SS18L1: variants seen among roughly 807,000 people sequenced by gnomAD.
SS18L1 encodes the protein SS18L1 subunit of BAF chromatin remodeling complex.
Under a neutral mutation model 70.3 loss-of-function variants are expected in SS18L1, and 32 were observed. The ratio of observed to expected loss-of-function variants is 0.46; its 90% CI spans 0.34 to 0.61. The LOEUF is 0.61. Among genes scored for constraint, SS18L1 ranks in the 20% least tolerant of loss-of-function variants. SS18L1 has a pLI of 0.01. For synonymous variants in SS18L1, 237 were observed against 229.7 expected, an observed-to-expected ratio of 1.03 and a Z score of -0.29; for missense variants, 430 against 542.1, an observed-to-expected ratio of 0.79 and a Z score of 2.05.
intron 10 of SS18L1, chr20:62,175,167 C>G (rs1236531570): frequency 1.1e-6 from 1 of 927,610 alleles, no homozygotes; most frequent in African/African-American, 1.8e-5. Context: ...CAGCCCCAGG[C>G]TCAGCCTAGG....
Position 62,174,463 on chromosome 20 carries a change from AAAAG to A in SS18L1, c.1037-48_1037-45del, listed in dbSNP as rs556115792. 2,706 of 1,548,834 alleles carry A rather than the reference AAAAG, an allele frequency of 1.7e-3. 19 individuals are homozygous for A. Among genetic ancestry groups the A allele is most frequent in the South Asian group, 0.012 (1,006 of 83,372 alleles). ...AAAAAAATTTTTAAGTTAAGAAAAA[AAAAG>A]AAAGAGGTGTCCGTTTTGGCCGGCC... On this transcript the variant is annotated intron_variant, in intron 9 of 10. Transcript: ENST00000331758. This position sits in a 1 kb window ranked among gnomAD's most constrained non-coding sequence, Gnocchi z 4.1.
At chr20:62,154,058 T>C (rs1344574387) in intron 1 of SS18L1, among the ~76,000 whole-genome samples, 1 of 152,192 alleles carries the variant, frequency 6.6e-6, no homozygotes, top group Non-Finnish European at 1.5e-5. Context: ...CCCAAATGCT[T>C]GAACGTGACT....
intron 8 of SS18L1, among the ~76,000 whole-genome samples, chr20:62,167,850 C>A (rs116001533): frequency 0.011 from 1,688 of 151,848 alleles, 36 homozygotes; most frequent in African/African-American, 0.039. Context: ...GGGTCTTGCC[C>A]TATCACCTAG....
At chr20:62,152,552 A>G (rs2057153313) in intron 1 of SS18L1, among the ~76,000 whole-genome samples, 1 of 152,250 alleles carries the variant, frequency 6.6e-6, no homozygotes, top group Non-Finnish European at 1.5e-5. Context: ...CTCACGTTGC[A>G]GAAAAATTCA....
In SS18L1 at chr20:62,179,413, T is replaced by C. The variant is rs890855798; in HGVS notation, c.*205T>C. 3.2e-6 allele frequency: 2 copies of C among 621,546 alleles called. No homozygotes were observed. The highest frequency in any genetic ancestry group is 5.5e-5 in the East Asian group (2 of 36,388). The allele number at this position is 621,546 out of a possible 1,614,324, so 38.5% of individuals were successfully genotyped here. Reference sequence around the variant, plus strand: ...GACAGCGCTTGGTGGTGTGATACTTTTGGTGCTGTGTATAGTATTGTATGT... The same window carrying C: ...GACAGCGCTTGGTGGTGTGATACTTCTGGTGCTGTGTATAGTATTGTATGT... On this transcript the variant is annotated 3_prime_UTR_variant, in exon 11 of 11. Coordinates refer to ENST00000331758, the MANE Select transcript of SS18L1 (RefSeq NM_198935.3).
chr20:62,147,072 C>T (rs759099388), intron 1 of SS18L1, among the ~76,000 whole-genome samples: 7 of 152,152 alleles, frequency 4.6e-5, no homozygotes, highest in Non-Finnish European at 1.0e-4. Context: ...ACAGTTTAGC[C>T]CACGAGAGTG....
At chr20:62,165,217 CG>C (rs1415408857) in intron 7 of SS18L1, among the ~76,000 whole-genome samples, 1 of 152,206 alleles carries the variant, frequency 6.6e-6, no homozygotes, top group Non-Finnish European at 1.5e-5. Flanking sequence ...ACAGTCGCCC[CG>C]AGAAGGAGGC....
Position 62,159,780 on chromosome 20 carries a change from G to T in SS18L1, c.147-97G>T. On this transcript the variant is annotated intron_variant, in intron 2 of 10. Transcript: ENST00000331758. This position sits in a 1 kb window ranked among gnomAD's most constrained non-coding sequence, Gnocchi z 4.4. ...ATGTCCTCATGGGGTTTGGCTGGAT[G>T]TCAGGCTGTCTTGTTCACACTTTAC... The T allele has an allele frequency of 8.3e-7, 1 of 1,199,752 alleles. No individual in the cohort carries two copies. The highest frequency in any genetic ancestry group is 1.4e-5 in the South Asian group (1 of 71,088). 74.3% of individuals were successfully genotyped at this position (1,199,752 alleles called of 1,614,324 possible). A position where few individuals can be genotyped will look rare whatever the true frequency, so the allele number is the denominator to read the frequency against.
At chr20:62,167,979 C>CTTTTTTTTTT (rs575045754) in intron 8 of SS18L1, among the ~76,000 whole-genome samples, 9 of 105,000 alleles carry the variant, frequency 8.6e-5, no homozygotes, top group Admixed American at 1.0e-4. Flanking sequence ...CCAGGCCTGG[C>CTTTTTTTTTT]TTTTTTTTTT....
chr20:62,154,452 C>T (rs991321933), intron 1 of SS18L1: 25 of 1,032,376 alleles, frequency 2.4e-5, no homozygotes, highest in African/African-American at 2.2e-4. Context: ...GTAGCCCTTC[C>T]GGAAACCTCC....
Position 62,158,351 on chromosome 20 carries a change from A to G in SS18L1, c.70-321A>G, listed in dbSNP as rs2057260586. Among the ~76,000 whole-genome samples the G allele has an allele frequency of 2.6e-5, 4 of 151,498 alleles. No homozygotes were observed. In the Admixed American group the frequency reaches 2.6e-4, roughly 10 times the overall value. On this transcript the variant is annotated intron_variant, in intron 1 of 10. Transcript: ENST00000331758. This position sits in a 1 kb window ranked among gnomAD's most constrained non-coding sequence, Gnocchi z 4.5. ...GGTGGCTGAGGCAATGCACGTAACG[A>G]CAGTTTCGTATACAGAACAGGCGTA...
rs1362718120 is a variant in SS18L1, at chr20:62,162,741, C to T, written c.377-11C>T. On this transcript the variant is annotated splice_polypyrimidine_tract_variant and intron_variant, in intron 4 of 10. Transcript: ENST00000331758. ...CCAGTGCCTGACACCACTCCCTGCT[C>T]CCCATGCCAGGGCCGAGCCACGTGT... 2 of 1,600,928 alleles carry T rather than the reference C, an allele frequency of 1.2e-6. No homozygotes were observed. The highest frequency in any genetic ancestry group is 1.7e-5 in the Admixed American group (1 of 59,276).
Position 62,181,766 on chromosome 20 carries a change from CT to C in SS18L1, c.*2560del, listed in dbSNP as rs1223149377. On this transcript the variant is annotated 3_prime_UTR_variant, in exon 11 of 11. Transcript: ENST00000331758. ...CAGCAGTTCCTTTTCATTATTCTAT[CT>C]TCTGTCATATGAATGTTGAGCAAAG... is the stretch of plus-strand genomic sequence containing the variant. 11 of 225,220 alleles carry C rather than the reference CT, an allele frequency of 4.9e-5. No homozygotes were observed. Among genetic ancestry groups the C allele is most frequent in the Admixed American group, 1.7e-4 (3 of 17,492 alleles). The allele number at this position is 225,220 out of a possible 1,614,324, so 14.0% of individuals were successfully genotyped here.
intron 10 of SS18L1, among the ~76,000 whole-genome samples, chr20:62,177,071 T>G (rs2057631906): frequency 6.6e-6 from 1 of 152,192 alleles, no homozygotes; most frequent in Non-Finnish European, 1.5e-5. Context: ...CTCCAGACAT[T>G]GTCAGATGCC....
chr20:62,173,903 A>T (rs1198254169), intron 9 of SS18L1, among the ~76,000 whole-genome samples: 2 of 151,458 alleles, frequency 1.3e-5, no homozygotes, highest in Non-Finnish European at 2.9e-5. Context: ...GGTCCCAGCT[A>T]CTTGGGAGGC....
intron 1 of SS18L1, among the ~76,000 whole-genome samples, chr20:62,146,604 C>CTTTTTTTTTTTTTTTTTTTTTTTTTT (rs1339898731): frequency 8.8e-5 from 3 of 34,156 alleles, no homozygotes; most frequent in African/African-American, 3.6e-4. Flanking sequence ...CTGCTTTGAT[C>CTTTTTTTTTTTTTTTTTTTTTTTTTT]ATTTTTTTTT....
intron 10 of SS18L1, chr20:62,175,037 CTG>C: frequency 4.0e-6 from 3 of 754,774 alleles, no homozygotes; most frequent in Non-Finnish European, 4.8e-6. Flanking sequence ...CAGGGCCAGA[CTG>C]TGCTGAGGAC....
chr20:62,160,304 G>GGGAGA (rs1555823098), intron 3 of SS18L1, among the ~76,000 whole-genome samples: 8 of 77,528 alleles, frequency 1.0e-4, no homozygotes, highest in African/African-American at 6.5e-4. Context: ...GGGAGAGGTG[G>GGGAGA]GGTGGGGTGG....
chr20:62,172,066 G>A (rs1191609923), intron 8 of SS18L1, among the ~76,000 whole-genome samples: 2 of 151,866 alleles, frequency 1.3e-5, no homozygotes, highest in Non-Finnish European at 1.5e-5. Flanking sequence ...GGAGGCTGAG[G>A]CAGGAGAATG....
Sources: allele counts gnomAD v4.1 joint callset (sites outside exome capture counted in the v4.1 genomes callset), GRCh38; gene constraint gnomAD v4.1.1; non-coding constraint Gnocchi (gnomAD v3.1); transcripts MANE v1.5; gene names NCBI Gene and HGNC (gene_info 2026-07-23, HGNC 2026-07-21).